The following ADGRG3 variants were observed in gnomAD, a reference collection of about 807,000 sequenced individuals.
The protein encoded by ADGRG3 is adhesion G protein-coupled receptor G3, also known as G protein-coupled receptor 97.
ADGRG3 carries 39 observed loss-of-function variants against 54.3 expected under a neutral mutation model. That is an observed-to-expected ratio of 0.72 (90% CI 0.56 to 0.94). ADGRG3 has a LOEUF of 0.94. Among genes scored for constraint, ADGRG3 ranks in the 40% least tolerant of loss-of-function variants. The pLI, the probability that ADGRG3 is intolerant of heterozygous loss-of-function variation, is 0.00. For missense variants in ADGRG3, 654 were observed against 694.6 expected, an observed-to-expected ratio of 0.94 and a Z score of 0.66; for synonymous variants, 312 against 290.0, an observed-to-expected ratio of 1.08 and a Z score of -0.77.
At chr16:57,679,415 C>A in intron 5 of ADGRG3, 104 bp downstream of exon 5, 1 of 1,291,320 alleles carries the variant, frequency 7.7e-7, no homozygotes, top group Non-Finnish European at 1.1e-6. Context: ...CTGTCCCCTA[C>A]CCTTCCACAG....
At chr16:57,684,633 G>T in intron 10 of ADGRG3, 150 bp downstream of exon 10, 1 of 608,140 alleles carries the variant, frequency 1.6e-6, no homozygotes, top group East Asian at 2.8e-5. Flanking sequence ...CTAGCTCATG[G>T]CACAGAGAAG....
chr16:57,671,091 A>G (rs1431408455), intron 1 of ADGRG3, among the ~76,000 whole-genome samples: 1 of 152,186 alleles, frequency 6.6e-6, no homozygotes, highest in Non-Finnish European at 1.5e-5. Flanking sequence ...AGTAAAAGAC[A>G]TAAAAGTGGC....
At chr16:57,680,649 C>T (rs1167434406) in intron 8 of ADGRG3, 32 bp downstream of exon 8, 2 of 1,456,998 alleles carry the variant, frequency 1.4e-6, no homozygotes, top group African/African-American at 2.8e-5. Flanking sequence ...ACCATGTCTC[C>T]CTCCCGCCCT....
chr16:57,668,082 G>A (rs968293386), upstream of ADGRG3: 1 of 558,398 alleles, frequency 1.8e-6, no homozygotes, highest in Non-Finnish European at 3.2e-6. Flanking sequence ...ACCCCAGTGG[G>A]GCCCCGGGGG....
chr16:57,688,401 C>T lies in ADGRG3; in HGVS notation c.1590C>T (p.Ser530=). ...CCATCCTTTACCTCCCAAGTCAGAG[C>T]ACCACAGTCTCCTCCTCTACTGCAA... is the stretch of plus-strand genomic sequence containing the variant. The part of the protein sequence containing the change: ...WFTILYLPSQ[S]TTVSSSTARL... Residue 530 remains serine, a synonymous_variant, in exon 12 of 12, where the codon AGC becomes AGT. Coordinates refer to ENST00000333493, the MANE Select transcript of ADGRG3 (RefSeq NM_170776.5). 1 of 1,613,730 alleles carries T rather than the reference C, an allele frequency of 6.2e-7. No individual in the cohort carries two copies. The highest frequency in any genetic ancestry group is 1.1e-5 in the South Asian group (1 of 91,068).
chr16:57,676,707 A>G (rs1475885899), intron 3 of ADGRG3, among the ~76,000 whole-genome samples: 1 of 152,208 alleles, frequency 6.6e-6, no homozygotes, highest in Non-Finnish European at 1.5e-5. Context: ...GCCCACTTTC[A>G]AGATTAACAT....
rs777318350 is a variant in ADGRG3, at chr16:57,679,261, A to G, written c.577A>G (p.Lys193Glu). 9 of 1,613,992 alleles carry G rather than the reference A, an allele frequency of 5.6e-6. No individual in the cohort carries two copies. In the Admixed American group the frequency reaches 1.0e-4, roughly 18 times the overall value. ...GLSVGQMHVT[K>E]LAEPLEIVFS... ...GAGTGTGGGACAAATGCATGTCACC[A>G]AGCTGGCTGAGCCTCTGGAGATCGT... Residue 193 changes from lysine (K) to glutamate (E), a missense_variant, in exon 5 of 12, where the codon AAG (lysine) becomes GAG (glutamate). Physicochemically the swap from Lys to Glu is moderately conservative, Grantham distance 56. Coordinates refer to ENST00000333493, the MANE Select transcript of ADGRG3 (RefSeq NM_170776.5).
At chr16:57,672,290 CT>C (rs1455910805) in intron 1 of ADGRG3, among the ~76,000 whole-genome samples, 2 of 152,106 alleles carry the variant, frequency 1.3e-5, no homozygotes, top group Non-Finnish European at 2.9e-5. Flanking sequence ...ATTTGGGCAG[CT>C]GAGGCAGGAG....
chr16:57,682,113 G>A (rs148397856), intron 8 of ADGRG3, among the ~76,000 whole-genome samples: 118 of 152,356 alleles, frequency 7.7e-4, no homozygotes, highest in African/African-American at 2.5e-3. Context: ...GGGGACGGGC[G>A]TTCCTTAGGG....
chr16:57,677,863 C>T (rs2048291513), intron 3 of ADGRG3, among the ~76,000 whole-genome samples: 1 of 152,238 alleles, frequency 6.6e-6, no homozygotes, highest in African/African-American at 2.4e-5. Flanking sequence ...AGCACATGCC[C>T]TCCAGCCGTC....
At position 57,680,347 on chromosome 16, in the gene ADGRG3, C is replaced by T. The variant is rs200950519; in HGVS notation, c.750C>T (p.Thr250=). 6.2e-7 allele frequency: 1 copy of T among 1,612,622 alleles called. No individual in the cohort carries two copies. Among genetic ancestry groups the T allele is most frequent in the African/African-American group, 1.3e-5 (1 of 74,674 alleles). Residue 250 remains threonine (T), a synonymous_variant, in exon 7 of 12, where the codon ACC becomes ACT. Transcript: ENST00000333493. ...EGTVCCCDHL[T]FFALLLRPTL... is the part of the protein sequence containing the mutation. ...CCGTGTGCTGCTGTGACCACCTGAC[C>T]TTTTTCGCCCTGCTCCTGGTAACAG... is the stretch of plus-strand genomic sequence containing the variant.
At position 57,680,378 on chromosome 16, in the gene ADGRG3, T is replaced by C; in HGVS notation, c.768+13T>C. 6.2e-7 allele frequency: 1 copy of C among 1,604,424 alleles called. No individual in the cohort carries two copies. Among genetic ancestry groups the C allele is most frequent in the Non-Finnish European group, 8.5e-7 (1 of 1,171,686 alleles). ...CGCCCTGCTCCTGGTAACAGCCCCC[T>C]CCACTCTGATCCCAGCCATCCCAGG... On this transcript the variant is annotated intron_variant, in intron 7 of 11. Coordinates refer to ENST00000333493, the MANE Select transcript of ADGRG3 (RefSeq NM_170776.5).
At chr16:57,686,066 A>C in intron 11 of ADGRG3, 140 bp downstream of exon 11, 1 of 874,990 alleles carries the variant, frequency 1.1e-6, no homozygotes, top group Non-Finnish European at 1.8e-6. Flanking sequence ...TCAAATACTC[A>C]GAGCAAGGAT....
chr16:57,682,516 C>A (rs2048393274), intron 8 of ADGRG3: 5 of 985,444 alleles, frequency 5.1e-6, no homozygotes, highest in Non-Finnish European at 6.0e-6. Flanking sequence ...CCATCCCCAA[C>A]AAGCCGAGTG....
At chr16:57,668,037 C>T (rs2048084896), upstream of ADGRG3, 1 of 499,204 alleles carries the variant, frequency 2.0e-6, no homozygotes, top group South Asian at 2.5e-5. Flanking sequence ...GAGCCAGGCC[C>T]CTGTGGCCAC....
chr16:57,683,598 A>G (rs1217452695), intron 8 of ADGRG3, among the ~76,000 whole-genome samples: 3 of 152,050 alleles, frequency 2.0e-5, no homozygotes, highest in Non-Finnish European at 4.4e-5. Context: ...GCTTTTACTT[A>G]TTCTGCCCTT....
intron 1 of ADGRG3, 116 bp from the exon 2 acceptor site, chr16:57,673,205 G>C (rs2048193176): frequency 1.0e-6 from 1 of 967,454 alleles, no homozygotes; most frequent in Admixed American, 2.1e-5. Context: ...GTGATGCATG[G>C]AGCTGGAATT....
At chr16:57,676,889 A>G (rs2048274074) in intron 3 of ADGRG3, among the ~76,000 whole-genome samples, 1 of 152,200 alleles carries the variant, frequency 6.6e-6, no homozygotes, top group Non-Finnish European at 1.5e-5. Flanking sequence ...GGAGCAAATG[A>G]GATAATGCAC....
upstream of ADGRG3, among the ~76,000 whole-genome samples, chr16:57,667,033 G>A (rs932951899): frequency 2.6e-5 from 4 of 152,332 alleles, no homozygotes; most frequent in East Asian, 1.9e-4. Context: ...ATCTGCCTTC[G>A]CAGCCCTCCC....
Sources: allele counts gnomAD v4.1 joint callset (sites outside exome capture counted in the v4.1 genomes callset), GRCh38; gene constraint gnomAD v4.1.1; transcripts MANE v1.5; gene names NCBI Gene and HGNC (gene_info 2026-07-23, HGNC 2026-07-21).